Variants in SUCLG2 observed in about 807,000 individuals in gnomAD.
SUCLG2 encodes succinate-CoA ligase GDP-forming subunit beta.
A neutral mutation model predicts 47.9 loss-of-function variants in SUCLG2; 42 were observed. That is an observed-to-expected ratio of 0.88 (90% CI 0.69 to 1.14). The LOEUF (loss-of-function observed/expected upper bound fraction) is 1.14, where lower values mean the gene tolerates loss of function less well. SUCLG2 is among the 50% of genes most tolerant of loss of function. SUCLG2 has a pLI of 0.00. For missense variants in SUCLG2, 571 were observed against 525.9 expected, an observed-to-expected ratio of 1.09 and a Z score of -0.84; for synonymous variants, 195 against 197.3, an observed-to-expected ratio of 0.99 and a Z score of 0.10.
intron 9 of SUCLG2, among the ~76,000 whole-genome samples, chr3:67,465,424 G>A (rs1330496773): frequency 2.6e-5 from 4 of 152,126 alleles, no homozygotes; most frequent in Non-Finnish European, 5.9e-5. Context: ...AATCAACAAG[G>A]TTCACTCATT....
At chr3:67,508,935 C>A in intron 6 of SUCLG2, 32 bp from the exon 7 acceptor site, 1 of 1,483,956 alleles carries the variant, frequency 6.7e-7, no homozygotes. Flanking sequence ...AGAATTACAC[C>A]AAAGCAGTAA....
chr3:67,489,273 A>G (rs558219210), intron 9 of SUCLG2, among the ~76,000 whole-genome samples: 42 of 152,302 alleles, frequency 2.8e-4, no homozygotes, highest in African/African-American at 1.0e-3. Context: ...GATATGCAAA[A>G]ATCAACATTT....
chr3:67,478,939 C>G (rs1318850696), intron 9 of SUCLG2, among the ~76,000 whole-genome samples: 1 of 152,164 alleles, frequency 6.6e-6, no homozygotes, highest in Non-Finnish European at 1.5e-5. Context: ...GTCTTTAGAC[C>G]TTCACCCTCA....
intron 4 of SUCLG2, among the ~76,000 whole-genome samples, chr3:67,526,390 C>T (rs561804647): frequency 5.5e-4 from 83 of 152,184 alleles, no homozygotes; most frequent in East Asian, 9.6e-4. Flanking sequence ...GCCTGTGGGC[C>T]GTGGGTTGGA....
chr3:67,378,674 T>C (rs1191688465), intron 10 of SUCLG2, among the ~76,000 whole-genome samples: 1 of 152,342 alleles, frequency 6.6e-6, no homozygotes, highest in East Asian at 1.9e-4. Context: ...AACTGTGAGA[T>C]AATAACTGTT....
chr3:67,467,179 T>C (rs1369163406), intron 9 of SUCLG2, among the ~76,000 whole-genome samples: 1 of 152,238 alleles, frequency 6.6e-6, no homozygotes, highest in Non-Finnish European at 1.5e-5. Context: ...TGTTTTCTCT[T>C]ACCTCTTGAG....
chr3:67,374,031 C>T (rs1450624125), downstream of SUCLG2, among the ~76,000 whole-genome samples: 1 of 152,100 alleles, frequency 6.6e-6, no homozygotes, highest in African/African-American at 2.4e-5. Context: ...TGACTGGAAA[C>T]ATCAATATTT....
At chr3:67,536,485 A>T (rs1412899375) in intron 2 of SUCLG2, among the ~76,000 whole-genome samples, 1 of 152,168 alleles carries the variant, frequency 6.6e-6, no homozygotes, top group Admixed American at 6.5e-5. Context: ...CACTGCCATC[A>T]TTCACTGCCT....
intron 1 of SUCLG2, among the ~76,000 whole-genome samples, chr3:67,616,236 C>T (rs1700626158): frequency 6.6e-6 from 1 of 152,084 alleles, no homozygotes; most frequent in Non-Finnish European, 1.5e-5. Context: ...ACGTGTTAAC[C>T]ACTGAGATCT....
chr3:67,398,149 C>A (rs1702592006), intron 10 of SUCLG2, among the ~76,000 whole-genome samples: 1 of 150,182 alleles, frequency 6.7e-6, no homozygotes, highest in Admixed American at 6.7e-5. Flanking sequence ...GCAATGGCAA[C>A]AAAAGCCAAA....
At chr3:67,614,991 T>C (rs1011575690) in intron 1 of SUCLG2, among the ~76,000 whole-genome samples, 6 of 152,210 alleles carry the variant, frequency 3.9e-5, no homozygotes, top group African/African-American at 1.4e-4. Flanking sequence ...TTGTACAATA[T>C]CCTTGCCATC....
chr3:67,481,635 G>GA (rs1704919310), intron 9 of SUCLG2, among the ~76,000 whole-genome samples: 1 of 152,214 alleles, frequency 6.6e-6, no homozygotes, highest in South Asian at 2.1e-4. Context: ...ACAAATCTCA[G>GA]TAAACCTAGA....
intron 2 of SUCLG2, among the ~76,000 whole-genome samples, chr3:67,555,068 A>G (rs1480106343): frequency 1.3e-5 from 2 of 152,164 alleles, no homozygotes; most frequent in Non-Finnish European, 2.9e-5. Flanking sequence ...TGTGGGCAGA[A>G]GAGACAGAAC....
chr3:67,453,967 G>A (rs1704119587), intron 9 of SUCLG2, among the ~76,000 whole-genome samples: 1 of 152,200 alleles, frequency 6.6e-6, no homozygotes, highest in Non-Finnish European at 1.5e-5. Flanking sequence ...GTGTATGTGT[G>A]TGCAAATGGC....
chr3:67,551,183 T>C lies in SUCLG2; in HGVS notation c.227-21997A>G, dbSNP rs114804661. Among the ~76,000 whole-genome samples the C allele has an allele frequency of 3.0e-3, 457 of 152,322 alleles. 2 individuals carry two copies. The highest frequency in any genetic ancestry group is 9.9e-3 in the African/African-American group (412 of 41,568). ...GATGGTTGATGAGACAGTACAAAGT[T>C]AAAAAGGGTTAGATGCCTTCAAAAG... is the stretch of plus-strand genomic sequence containing the variant. On this transcript the variant is annotated intron_variant, in intron 2 of 10. Coordinates refer to ENST00000307227, the MANE Select transcript of SUCLG2 (RefSeq NM_003848.4).
chr3:67,567,782 T>G (rs1482009297), intron 2 of SUCLG2, among the ~76,000 whole-genome samples: 1 of 152,248 alleles, frequency 6.6e-6, no homozygotes, highest in African/African-American at 2.4e-5. Context: ...ATTAAAAGAT[T>G]CATTTCCCAG....
chr3:67,407,034 T>TC (rs773344509), intron 9 of SUCLG2, among the ~76,000 whole-genome samples: 4 of 152,174 alleles, frequency 2.6e-5, no homozygotes, highest in Non-Finnish European at 5.9e-5. Context: ...ATCTTGCTTT[T>TC]AAGAGCTCTA....
At chr3:67,532,660 T>C (rs1422784455) in intron 2 of SUCLG2, among the ~76,000 whole-genome samples, 5 of 152,194 alleles carry the variant, frequency 3.3e-5, no homozygotes, top group African/African-American at 1.2e-4. Context: ...ACCAGTTTAT[T>C]AGAATTTACA....
At chr3:67,630,183 T>C (rs546571783) in intron 1 of SUCLG2, among the ~76,000 whole-genome samples, 1 of 152,314 alleles carries the variant, frequency 6.6e-6, no homozygotes, top group African/African-American at 2.4e-5. Context: ...AAAAAACTCC[T>C]TAATTACCTA....
Sources: gnomAD v4.1 joint callset for allele counts (sites outside exome capture counted in the v4.1 genomes callset) on GRCh38, gnomAD v4.1.1 for gene constraint, MANE v1.5 for transcripts, NCBI Gene and HGNC (gene_info 2026-07-23, HGNC 2026-07-21) for gene names.